IL1RAPL2: variants seen among roughly 807,000 people sequenced by gnomAD.
The protein encoded by IL1RAPL2 is X-linked interleukin-1 receptor accessory protein-like 2.
IL1RAPL2 carries 3 observed loss-of-function variants against 44.1 expected under a neutral mutation model. The observed-to-expected ratio is 0.07, with a 90% confidence interval of 0.03 to 0.18. IL1RAPL2 has a LOEUF of 0.18. IL1RAPL2 is among the 10% of genes least tolerant of loss of function. IL1RAPL2 has a pLI of 1.00. For missense variants in IL1RAPL2, 391 were observed against 496.4 expected, an observed-to-expected ratio of 0.79 and a Z score of 2.02; for synonymous variants, 181 against 178.8, an observed-to-expected ratio of 1.01 and a Z score of -0.10.
At chrX:104,739,070 A>T (rs1932060958) in intron 2 of IL1RAPL2, among the ~76,000 whole-genome samples, 1 of 111,507 alleles carries the variant, frequency 9.0e-6, no homozygotes, top group African/African-American at 3.3e-5. Flanking sequence ...TAACCAAGGG[A>T]GGAGAACCAG....
intron 2 of IL1RAPL2, among the ~76,000 whole-genome samples, chrX:104,973,860 T>G (rs962389471): frequency 1.3e-4 from 15 of 112,055 alleles, no homozygotes; most frequent in Non-Finnish European, 2.4e-4. Context: ...GAGAATCCTT[T>G]TGATGCAAAA....
intron 2 of IL1RAPL2, among the ~76,000 whole-genome samples, chrX:105,070,837 T>C (rs150827625): frequency 0.015 from 1,646 of 110,580 alleles, 33 homozygotes; most frequent in African/African-American, 0.049. Context: ...AATGGTCTGA[T>C]ATACATCTTT....
intron 2 of IL1RAPL2, among the ~76,000 whole-genome samples, chrX:105,062,288 TAAACAAAC>T (rs201850719): frequency 8.9e-6 from 1 of 112,105 alleles, no homozygotes; most frequent in African/African-American, 3.2e-5. Context: ...GCTGTTTGCA[TAAACAAAC>T]AAACAAACAG....
At chrX:104,692,272 A>G (rs1367773730) in intron 2 of IL1RAPL2, among the ~76,000 whole-genome samples, 1 of 110,647 alleles carries the variant, frequency 9.0e-6, no homozygotes, top group African/African-American at 3.3e-5. Flanking sequence ...TTCTATCAAA[A>G]AGCTACACAC....
intron 2 of IL1RAPL2, among the ~76,000 whole-genome samples, chrX:105,040,592 T>A (rs1437629648): frequency 3.6e-5 from 4 of 110,581 alleles, no homozygotes; most frequent in South Asian, 3.8e-4. Flanking sequence ...ATTCAACTTC[T>A]TCCTGGTTTA....
chrX:104,859,346 C>G (rs1156977499), intron 2 of IL1RAPL2, among the ~76,000 whole-genome samples: 2 of 111,309 alleles, frequency 1.8e-5, no homozygotes, highest in African/African-American at 6.5e-5. Context: ...TAATAGAGTG[C>G]TAAATTGTGT....
intron 2 of IL1RAPL2, among the ~76,000 whole-genome samples, chrX:105,090,072 A>G (rs914806838): frequency 2.7e-5 from 3 of 111,745 alleles, no homozygotes; most frequent in Non-Finnish European, 3.8e-5. Context: ...AAGAGGAAGA[A>G]CTGACTTTCA....
At chrX:104,632,739 T>G (rs779633582) in intron 1 of IL1RAPL2, among the ~76,000 whole-genome samples, 68 of 108,307 alleles carry the variant, frequency 6.3e-4, no homozygotes, top group African/African-American at 2.1e-3. Flanking sequence ...AAGGAGATTT[T>G]GGGCTGAGAC....
In IL1RAPL2 at chrX:104,653,209, A is replaced by G. The variant is rs147587638; in HGVS notation, c.-19-5686A>G. On this transcript the variant is annotated intron_variant, in intron 1 of 10. Transcript: ENST00000372582. ...TTAGACCTTCAGCTGGTGCCATCAG[A>G]TCACTTTATTTTCACATGCATTCAT... Among the ~76,000 whole-genome samples, 596 of 111,952 alleles carry G rather than the reference A, an allele frequency of 5.3e-3. 2 individuals carry two copies. Among genetic ancestry groups the G allele is most frequent in the African/African-American group, 0.017 (531 of 30,881 alleles).
intron 6 of IL1RAPL2, among the ~76,000 whole-genome samples, chrX:105,533,645 A>T (rs1415902073): frequency 3.6e-5 from 4 of 112,468 alleles, no homozygotes; most frequent in Admixed American, 9.4e-5. Context: ...AACCACTGTT[A>T]TGTTCTTTGT....
chrX:104,908,228 G>A (rs894387491), intron 2 of IL1RAPL2, among the ~76,000 whole-genome samples: 2 of 111,802 alleles, frequency 1.8e-5, no homozygotes, highest in Non-Finnish European at 3.8e-5. Flanking sequence ...CCTGAATACA[G>A]CACACTGATA....
chrX:105,033,523 CT>C (rs1183967690), intron 2 of IL1RAPL2, among the ~76,000 whole-genome samples: 1 of 111,629 alleles, frequency 9.0e-6, no homozygotes, highest in African/African-American at 3.3e-5. Flanking sequence ...GTTGAAAATT[CT>C]TTTCTTTAAG....
chrX:105,484,895 G>A (rs529694066), intron 6 of IL1RAPL2, among the ~76,000 whole-genome samples: 2 of 111,640 alleles, frequency 1.8e-5, no homozygotes, highest in East Asian at 2.8e-4. Flanking sequence ...TGGGAAAAGT[G>A]GCAAGTTGAC....
intron 6 of IL1RAPL2, among the ~76,000 whole-genome samples, chrX:105,523,297 A>G (rs932738509): frequency 1.5e-4 from 17 of 111,672 alleles, no homozygotes. Flanking sequence ...TGGTTCCACC[A>G]TTTACTAGTT....
chrX:104,657,691 C>G (rs1035812557), intron 1 of IL1RAPL2, among the ~76,000 whole-genome samples: 4 of 111,146 alleles, frequency 3.6e-5, no homozygotes, highest in African/African-American at 1.3e-4. Flanking sequence ...AGGCAACCTA[C>G]AGAATAGGAG....
intron 7 of IL1RAPL2, among the ~76,000 whole-genome samples, chrX:105,728,176 C>CTTTA (rs2038368105): frequency 9.0e-6 from 1 of 111,446 alleles, no homozygotes; most frequent in Non-Finnish European, 1.9e-5. Flanking sequence ...CTGTGTTCCA[C>CTTTA]TTTATTTATC....
intron 6 of IL1RAPL2, among the ~76,000 whole-genome samples, chrX:105,666,082 G>T (rs1189406107): frequency 1.1e-4 from 11 of 98,676 alleles, no homozygotes; most frequent in African/African-American, 3.7e-4. Context: ...TTAAAAATGG[G>T]TTTTTTTTTT....
At chrX:105,722,171 T>C (rs2038311032) in intron 7 of IL1RAPL2, among the ~76,000 whole-genome samples, 2 of 112,109 alleles carry the variant, frequency 1.8e-5, no homozygotes, top group Admixed American at 1.9e-4. Context: ...TTGTACTGAA[T>C]ACTGTAGGCA....
chrX:105,730,136 G>A (rs2038393594), intron 7 of IL1RAPL2, among the ~76,000 whole-genome samples: 1 of 110,895 alleles, frequency 9.0e-6, no homozygotes, highest in Admixed American at 9.6e-5. Context: ...TTCACCTGTA[G>A]AGACACATAT....
Sources: allele counts gnomAD v4.1 joint callset (sites outside exome capture counted in the v4.1 genomes callset), GRCh38; gene constraint gnomAD v4.1.1; transcripts MANE v1.5; gene names NCBI Gene and HGNC (gene_info 2026-07-23, HGNC 2026-07-21).